MYO16: variants seen among roughly 807,000 people sequenced by gnomAD.
MYO16 encodes unconventional myosin-XVI.
A neutral mutation model predicts 205.3 loss-of-function variants in MYO16; 94 were observed. The observed-to-expected ratio is 0.46, with a 90% CI of 0.39 to 0.54. MYO16 has a LOEUF of 0.54. MYO16 is among the 20% of genes least tolerant of loss of function. The pLI, the probability that MYO16 is intolerant of heterozygous loss-of-function variation, is 0.00. For synonymous variants in MYO16, 988 were observed against 954.0 expected (o/e 1.04, Z -0.66); for missense variants, 2,315 against 2,387.5 (o/e 0.97, Z 0.63).
chr13:109,073,047 T>G (rs1887974913), intron 27 of MYO16, among the ~76,000 whole-genome samples: 1 of 152,206 alleles, frequency 6.6e-6, no homozygotes, highest in Non-Finnish European at 1.5e-5. Flanking sequence ...CATTTCAATT[T>G]TCTATTTGAT....
chr13:108,684,128 C>T (rs1882577820), intron 2 of MYO16, among the ~76,000 whole-genome samples: 1 of 152,228 alleles, frequency 6.6e-6, no homozygotes, highest in Non-Finnish European at 1.5e-5. Flanking sequence ...CCCGCCTCGG[C>T]CTCCCGAAGT....
chr13:109,046,735 T>A (rs957038653), intron 23 of MYO16, among the ~76,000 whole-genome samples, 181 bp from the exon 24 acceptor site: 1 of 152,202 alleles, frequency 6.6e-6, no homozygotes, highest in Non-Finnish European at 1.5e-5. Context: ...TTGTTTAATG[T>A]ACAGAATGAG....
chr13:108,828,181 A>C (rs1158858760), intron 9 of MYO16, among the ~76,000 whole-genome samples: 1 of 152,188 alleles, frequency 6.6e-6, no homozygotes, highest in East Asian at 1.9e-4. Flanking sequence ...AGCTTCAAGA[A>C]CATGACTCAT....
chr13:109,190,375 C>A (rs1246103414), intron 34 of MYO16, among the ~76,000 whole-genome samples: 1 of 152,126 alleles, frequency 6.6e-6, no homozygotes, highest in East Asian at 1.9e-4. Flanking sequence ...GAGTATGTCA[C>A]CTCAGTGACA....
At chr13:109,120,506 T>G in intron 29 of MYO16, 40 bp downstream of exon 29, 2 of 1,513,104 alleles carry the variant, frequency 1.3e-6, no homozygotes, top group Admixed American at 1.8e-5. Flanking sequence ...TTATTTGAGT[T>G]GTGAAATGCA....
intron 9 of MYO16, among the ~76,000 whole-genome samples, chr13:108,829,259 A>G (rs1314161415): frequency 6.6e-6 from 1 of 152,214 alleles, no homozygotes; most frequent in Non-Finnish European, 1.5e-5. Context: ...TAACTGAGTT[A>G]ATATTTATAG....
chr13:108,922,635 G>A (rs2139268146), intron 16 of MYO16, among the ~76,000 whole-genome samples: 1 of 152,318 alleles, frequency 6.6e-6, no homozygotes, highest in Non-Finnish European at 1.5e-5. Flanking sequence ...TCTTCAGGTG[G>A]AGCCTATCAG....
At chr13:109,027,890 G>A (rs1331734254) in intron 23 of MYO16, among the ~76,000 whole-genome samples, 7 of 152,102 alleles carry the variant, frequency 4.6e-5, no homozygotes, top group Admixed American at 2.0e-4. Flanking sequence ...AGGAGTTATC[G>A]AGTCAACTTT....
chr13:108,759,305 G>T (rs1272697425), intron 4 of MYO16, among the ~76,000 whole-genome samples: 1 of 152,172 alleles, frequency 6.6e-6, no homozygotes, highest in Non-Finnish European at 1.5e-5. Context: ...GATACGAGAG[G>T]AATTGCTGTT....
At chr13:108,888,668 T>G (rs1880017498) in intron 14 of MYO16, among the ~76,000 whole-genome samples, 191 bp downstream of exon 14, 1 of 152,252 alleles carries the variant, frequency 6.6e-6, no homozygotes, top group South Asian at 2.1e-4. Context: ...TTTACATATT[T>G]AAAATATTTT....
At chr13:108,699,013 G>A (rs1192941369) in intron 2 of MYO16, among the ~76,000 whole-genome samples, 1 of 151,592 alleles carries the variant, frequency 6.6e-6, no homozygotes, top group Non-Finnish European at 1.5e-5. Context: ...TTAAGGAGTG[G>A]GCAGTGACAT....
intron 32 of MYO16, among the ~76,000 whole-genome samples, chr13:109,151,152 C>T (rs189381016): frequency 1.6e-4 from 25 of 152,260 alleles, no homozygotes; most frequent in African/African-American, 4.8e-4. Flanking sequence ...GATTAATCCC[C>T]AGATTAGCCT....
intron 7 of MYO16, among the ~76,000 whole-genome samples, chr13:108,811,328 C>A (rs896820168): frequency 6.6e-6 from 1 of 152,078 alleles, no homozygotes; most frequent in African/African-American, 2.4e-5. Context: ...TATGCCCCTA[C>A]CCCTCTGACC....
chr13:108,727,601 GT>G lies in MYO16; in HGVS notation c.507+21del. Reference sequence around the variant, plus strand: ...TTGTATTAGTAAGTAAAGCAATTCAGTTTACCATTTGAAGATTTGATGGCAT... The same window carrying G: ...TTGTATTAGTAAGTAAAGCAATTCAGTTACCATTTGAAGATTTGATGGCAT... On this transcript the variant is annotated intron_variant, in intron 4 of 34. Coordinates refer to ENST00000457511, the MANE Select transcript of MYO16 (RefSeq NM_001198950.3). The G allele has an allele frequency of 6.3e-7, 1 of 1,594,254 alleles. No homozygotes were observed. The highest frequency in any genetic ancestry group is 8.5e-7 in the Non-Finnish European group (1 of 1,170,824).
chr13:109,192,655 C>A (rs895150877), intron 34 of MYO16, among the ~76,000 whole-genome samples: 2 of 152,116 alleles, frequency 1.3e-5, no homozygotes, highest in Non-Finnish European at 2.9e-5. Context: ...CCCATGCAAC[C>A]CAACCTTGAC....
chr13:108,892,579 A>C (rs1358639789), intron 14 of MYO16, among the ~76,000 whole-genome samples: 1 of 152,204 alleles, frequency 6.6e-6, no homozygotes, highest in African/African-American at 2.4e-5. Context: ...ATTTGGGAGA[A>C]TAGCATAACC....
At chr13:108,595,332 T>G (rs968538934), upstream of MYO16, among the ~76,000 whole-genome samples, 1 of 152,216 alleles carries the variant, frequency 6.6e-6, no homozygotes, top group African/African-American at 2.4e-5. Flanking sequence ...ATTGAATGGA[T>G]TAATGGAATC....
chr13:108,850,038 T>C (rs1350388001), intron 10 of MYO16, among the ~76,000 whole-genome samples: 1 of 151,784 alleles, frequency 6.6e-6, no homozygotes, highest in African/African-American at 2.4e-5. Context: ...CTGTTGAATT[T>C]CCTCTTTTTT....
At chr13:109,099,527 A>G (rs74241598) in intron 27 of MYO16, among the ~76,000 whole-genome samples, 2,044 of 152,210 alleles carry the variant, frequency 0.013, 27 homozygotes, top group South Asian at 0.032. Flanking sequence ...TGAAAGCTCC[A>G]CCCTCATGAC....
Sources: gnomAD v4.1 joint callset for allele counts (sites outside exome capture counted in the v4.1 genomes callset) on GRCh38, gnomAD v4.1.1 for gene constraint, MANE v1.5 for transcripts, NCBI Gene and HGNC (gene_info 2026-07-23, HGNC 2026-07-21) for gene names.